Variants in JPH2 observed in about 807,000 individuals in gnomAD.
The protein encoded by JPH2 is junctophilin 2.
In JPH2, 38 loss-of-function variants were observed where a neutral mutation model predicts 55.9. The ratio of observed to expected loss-of-function variants is 0.68; its 90% CI spans 0.52 to 0.89. The LOEUF (loss-of-function observed/expected upper bound fraction) is 0.89. Among genes scored for constraint, JPH2 ranks in the 40% least tolerant of loss-of-function variants. JPH2 has a pLI of 0.00. For synonymous variants in JPH2, 480 were observed against 472.4 expected (o/e 1.02, Z -0.21); for missense variants, 964 against 1,037.6 (o/e 0.93, Z 0.97).
At chr20:44,156,565 T>C (rs1284387126) in intron 2 of JPH2, among the ~76,000 whole-genome samples, 1 of 152,110 alleles carries the variant, frequency 6.6e-6, no homozygotes, top group Non-Finnish European at 1.5e-5. Flanking sequence ...GGTGAGGCCA[T>C]TGTCTTCCTC....
At chr20:44,175,322 TA>T (rs2072725687) in intron 1 of JPH2, among the ~76,000 whole-genome samples, 2 of 152,240 alleles carry the variant, frequency 1.3e-5, no homozygotes, top group South Asian at 4.1e-4. Flanking sequence ...TGTATGAATA[TA>T]GGTGGGTCCA....
chr20:44,178,766 C>A (rs1480506095), intron 1 of JPH2, among the ~76,000 whole-genome samples: 3 of 152,036 alleles, frequency 2.0e-5, no homozygotes, highest in East Asian at 3.8e-4. Context: ...CTACAGTAAC[C>A]AAGGCAGCAT....
chr20:44,142,624 G>T (rs957924606), intron 2 of JPH2, among the ~76,000 whole-genome samples: 1 of 152,144 alleles, frequency 6.6e-6, no homozygotes, highest in Admixed American at 6.5e-5. Flanking sequence ...GGCCAGCCCT[G>T]ACCACATATT....
chr20:44,158,907 A>G (rs1255974550), intron 2 of JPH2, among the ~76,000 whole-genome samples: 1 of 152,046 alleles, frequency 6.6e-6, no homozygotes, highest in Non-Finnish European at 1.5e-5. Context: ...GAAGCAGCTG[A>G]GTGAATGCAG....
chr20:44,185,821 G>A (rs2072833770), intron 1 of JPH2, among the ~76,000 whole-genome samples: 1 of 151,774 alleles, frequency 6.6e-6, no homozygotes, highest in Admixed American at 6.6e-5. Flanking sequence ...GCAGGCAGGT[G>A]GGTGGATGGA....
At chr20:44,120,125 G>T (rs1345540198) in intron 2 of JPH2, among the ~76,000 whole-genome samples, 1 of 152,032 alleles carries the variant, frequency 6.6e-6, no homozygotes, top group Non-Finnish European at 1.5e-5. Context: ...GCCTCCCTCA[G>T]TAAATCACTT....
chr20:44,143,075 G>A (rs2072469059), intron 2 of JPH2, among the ~76,000 whole-genome samples: 2 of 152,172 alleles, frequency 1.3e-5, no homozygotes, highest in African/African-American at 4.8e-5. Flanking sequence ...AGGTGTTCGT[G>A]AGAGAGTAAA....
chr20:44,124,176 A>C (rs892999632), intron 2 of JPH2, among the ~76,000 whole-genome samples: 4 of 152,098 alleles, frequency 2.6e-5, no homozygotes, highest in African/African-American at 7.2e-5. Flanking sequence ...CAATAGAGCA[A>C]CTTCTAAAAG....
intron 2 of JPH2, among the ~76,000 whole-genome samples, chr20:44,157,755 A>G (rs2145877061): frequency 6.6e-6 from 1 of 152,280 alleles, no homozygotes; most frequent in East Asian, 1.9e-4. Flanking sequence ...TCAACGAGCT[A>G]AAAAAATGGC....
At chr20:44,124,999 CT>C (rs2072265742) in intron 2 of JPH2, among the ~76,000 whole-genome samples, 1 of 151,322 alleles carries the variant, frequency 6.6e-6, no homozygotes, top group African/African-American at 2.4e-5. Context: ...GTCCCAGCTA[CT>C]TAGAAGGCTG....
At position 44,116,167 on chromosome 20, in the gene JPH2, T is replaced by C. The variant is rs1457124939; in HGVS notation, c.1508A>G (p.Lys503Arg). Reference sequence around the variant, plus strand: ...GGCGCCTGGGCTCAGCAGGCCGTCCTTGGACACCCCGGGCCTGGGCCGCTT... The same window carrying C: ...GGCGCCTGGGCTCAGCAGGCCGTCCCTGGACACCCCGGGCCTGGGCCGCTT... ...QPKRPRPGVSKDGLLSPGAWN... is the reference protein window; with the variant it reads ...QPKRPRPGVSRDGLLSPGAWN... Residue 503 changes from lysine to arginine, a missense_variant, in exon 4 of 6, where the codon AAG becomes AGG. Physicochemically the swap from Lys to Arg is conservative, Grantham distance 26. Coordinates refer to ENST00000372980, the MANE Select transcript of JPH2 (RefSeq NM_020433.5). The C allele has an allele frequency of 4.2e-6, 6 of 1,415,058 alleles. No individual in the cohort carries two copies. Among genetic ancestry groups the C allele is most frequent in the Non-Finnish European group, 5.5e-6 (6 of 1,095,374 alleles). 87.7% of individuals were successfully genotyped at this position (1,415,058 alleles called of 1,614,324 possible).
rs575559423 is a variant in JPH2 at position 44,171,745 on chromosome 20, G to A, written c.380-11338C>T. Among the ~76,000 whole-genome samples the A allele has an allele frequency of 3.3e-5, 5 of 152,264 alleles. No individual in the cohort carries two copies. In the Middle Eastern group the frequency reaches 0.01, roughly 311 times the overall value. ...GCTCAAACATCACTTCCTCAAGGACGCCTTCTCTGATTATCAGACCAGACC... is the reference window on the plus strand; with the variant it reads ...GCTCAAACATCACTTCCTCAAGGACACCTTCTCTGATTATCAGACCAGACC... On this transcript the variant is annotated intron_variant, in intron 1 of 5. Coordinates refer to ENST00000372980, the MANE Select transcript of JPH2 (RefSeq NM_020433.5).
At chr20:44,180,121 G>A (rs1371121722) in intron 1 of JPH2, among the ~76,000 whole-genome samples, 3 of 152,202 alleles carry the variant, frequency 2.0e-5, no homozygotes, top group Non-Finnish European at 4.4e-5. Flanking sequence ...AGGAGGCTGA[G>A]GCAGGAGAAT....
chr20:44,184,720 A>C (rs2072817388), intron 1 of JPH2, among the ~76,000 whole-genome samples: 3 of 151,908 alleles, frequency 2.0e-5, no homozygotes, highest in Admixed American at 6.6e-5. Context: ...TCTTTAACCC[A>C]CTGCTACCCT....
chr20:44,178,595 TC>T (rs869199914), intron 1 of JPH2, among the ~76,000 whole-genome samples: 1 of 81,490 alleles, frequency 1.2e-5, no homozygotes, highest in East Asian at 2.0e-4. Flanking sequence ...GGTTTTCTTT[TC>T]TTTGTTTGTT....
In JPH2 at chr20:44,186,382, G is replaced by A. The variant is rs1288107456; in HGVS notation, c.324C>T (p.Gly108=). The change falls in exon 1 of 6, where the codon GGC becomes GGT. Residue 108 remains glycine, a synonymous_variant. Transcript: ENST00000372980. The part of the protein sequence containing the change: ...QSSSSGAKYE[G]TWNNGLQDGY... ...CGTCTTGCAGGCCATTGTTCCAGGT[G>A]CCCTCATACTTGGCACCGCTGCTTG... 1.2e-6 allele frequency: 2 copies of A among 1,613,280 alleles called. No homozygotes were observed. The highest frequency in any genetic ancestry group is 1.7e-6 in the Non-Finnish European group (2 of 1,179,952).
At position 44,111,726 on chromosome 20, in the gene JPH2, C is replaced by G. The variant is rs1434392010; in HGVS notation, c.*1792G>C. On this transcript the variant is annotated 3_prime_UTR_variant, in exon 6 of 6. Transcript: ENST00000372980. ...GAGCAGATGCGGGTTTATTATTGCA[C>G]AGACTGCAGCATCCTGAACCCCAAA... 2 of 152,302 alleles carry G rather than the reference C, an allele frequency of 1.3e-5. No individual in the cohort carries two copies. Among genetic ancestry groups the G allele is most frequent in the African/African-American group, 4.8e-5 (2 of 41,400 alleles). 9.4% of individuals were successfully genotyped at this position (152,302 alleles called of 1,614,324 possible). A position where few individuals can be genotyped will look rare whatever the true frequency, so the allele number is the denominator to read the frequency against.
chr20:44,167,896 C>G (rs975835409), intron 1 of JPH2, among the ~76,000 whole-genome samples: 1 of 152,146 alleles, frequency 6.6e-6, no homozygotes, highest in African/African-American at 2.4e-5. Flanking sequence ...TGGACATGAT[C>G]GCTGCCAGCA....
At position 44,186,716 on chromosome 20, in the gene JPH2, C is replaced by A. The variant is rs1203989604; in HGVS notation, c.-11G>T. 1 of 1,597,548 alleles carries A rather than the reference C, an allele frequency of 6.3e-7. No homozygotes were observed. The highest frequency in any genetic ancestry group is 2.2e-5 in the East Asian group (1 of 44,820). The stretch of plus-strand genomic sequence containing the variant: ...GCGGCCCCCACTCATCTCATCATAG[C>A]CCCTGACAACCTCCCCGTCCTCCAG... On this transcript the variant is annotated 5_prime_UTR_variant, in exon 1 of 6. Transcript: ENST00000372980.
Sources: gnomAD v4.1 joint callset for allele counts (sites outside exome capture counted in the v4.1 genomes callset) on GRCh38, gnomAD v4.1.1 for gene constraint, MANE v1.5 for transcripts, NCBI Gene and HGNC (gene_info 2026-07-23, HGNC 2026-07-21) for gene names.